The following VWA3B variants were observed in gnomAD, a reference collection of about 807,000 sequenced individuals.
VWA3B encodes the protein von Willebrand factor A domain containing 3B.
A neutral mutation model predicts 158.3 loss-of-function variants in VWA3B; 138 were observed. The ratio of observed to expected loss-of-function variants is 0.87; its 90% CI spans 0.76 to 1.00. The LOEUF (loss-of-function observed/expected upper bound fraction) is 1.00. Among genes scored for constraint, VWA3B ranks in the 50% least tolerant of loss-of-function variants. The pLI is 0.00. For synonymous variants in VWA3B, 596 were observed against 587.3 expected (o/e 1.01, Z -0.21); for missense variants, 1,555 against 1,565.1 (o/e 0.99, Z 0.11).
chr2:98,112,217 C>T (rs1406770457), intron 2 of VWA3B, among the ~76,000 whole-genome samples: 1 of 151,496 alleles, frequency 6.6e-6, no homozygotes, highest in Non-Finnish European at 1.5e-5. Flanking sequence ...GATCATATGA[C>T]TGTAGTTGTG....
At chr2:98,238,113 G>T (rs1425858033) in intron 19 of VWA3B, among the ~76,000 whole-genome samples, 1 of 152,190 alleles carries the variant, frequency 6.6e-6, no homozygotes, top group Admixed American at 6.5e-5. Context: ...AGAAGCAGAT[G>T]AATTGGTGAA....
intron 13 of VWA3B, chr2:98,216,803 A>G (rs1684043363): frequency 1.8e-6 from 1 of 555,528 alleles, no homozygotes. Context: ...AGGAGGGAGT[A>G]TCAGTTCTGA....
At chr2:98,280,444 G>A (rs1440681441) in intron 22 of VWA3B, among the ~76,000 whole-genome samples, 2 of 152,234 alleles carry the variant, frequency 1.3e-5, no homozygotes, top group Non-Finnish European at 2.9e-5. Context: ...TGCTTTCAGG[G>A]TGATTAACTG....
chr2:98,270,409 C>G (rs1201235361), intron 21 of VWA3B, among the ~76,000 whole-genome samples: 1 of 152,166 alleles, frequency 6.6e-6, no homozygotes, highest in African/African-American at 2.4e-5. Context: ...TATCATACTT[C>G]TTTAAAATCA....
chr2:98,141,326 T>C (rs1676764802), intron 7 of VWA3B, among the ~76,000 whole-genome samples: 1 of 152,216 alleles, frequency 6.6e-6, no homozygotes, highest in Non-Finnish European at 1.5e-5. Context: ...TTCTGCAGGC[T>C]GTGCAAGCAG....
intron 14 of VWA3B, among the ~76,000 whole-genome samples, chr2:98,222,313 CAGATACATAGTTATGCCCA>C (rs1684578814): frequency 6.6e-6 from 1 of 152,212 alleles, no homozygotes; most frequent in African/African-American, 2.4e-5. Context: ...GAGAGCTCAC[CAGATACATAGTTATGCCCA>C]AGTGAAAGTG....
At chr2:98,099,533 T>G (rs922982353) in intron 2 of VWA3B, among the ~76,000 whole-genome samples, 19 of 152,310 alleles carry the variant, frequency 1.2e-4, no homozygotes, top group Middle Eastern at 6.8e-3. Flanking sequence ...ATTTGACAGT[T>G]TGATTATAAA....
At chr2:98,158,851 G>T (rs1459014817) in intron 7 of VWA3B, among the ~76,000 whole-genome samples, 2 of 152,108 alleles carry the variant, frequency 1.3e-5, no homozygotes, top group African/African-American at 2.4e-5. Context: ...TGTTAGAGGA[G>T]TGTCATGGGA....
chr2:98,118,924 C>G (rs541350664), intron 3 of VWA3B, among the ~76,000 whole-genome samples: 3 of 152,268 alleles, frequency 2.0e-5, no homozygotes, highest in Admixed American at 2.0e-4. Context: ...TCCTGCAAGT[C>G]TCTGTCACCA....
intron 19 of VWA3B, 53 bp downstream of exon 19, chr2:98,236,783 A>G (rs1685722994): frequency 6.4e-7 from 1 of 1,559,602 alleles, no homozygotes; most frequent in Non-Finnish European, 8.7e-7. Flanking sequence ...TTTTCTGCTC[A>G]AATAAAAAGT....
At chr2:98,136,926 A>G (rs1402769520) in intron 7 of VWA3B, among the ~76,000 whole-genome samples, 1 of 152,196 alleles carries the variant, frequency 6.6e-6, no homozygotes, top group Non-Finnish European at 1.5e-5. Flanking sequence ...CCACTGGCTT[A>G]TTTCACTTAG....
chr2:98,278,481 C>T (rs113148431), intron 22 of VWA3B, among the ~76,000 whole-genome samples: 33 of 152,264 alleles, frequency 2.2e-4, no homozygotes, highest in Non-Finnish European at 3.4e-4. Context: ...TCAGGTCACA[C>T]GAACAAATTG....
At chr2:98,207,310 G>A in intron 12 of VWA3B, 1 of 489,000 alleles carries the variant, frequency 2.0e-6, no homozygotes, top group South Asian at 1.6e-5. Flanking sequence ...TGCTGTCACT[G>A]AGCTGGGCAT....
At chr2:98,237,002 C>T (rs1438641291) in intron 19 of VWA3B, among the ~76,000 whole-genome samples, 1 of 152,142 alleles carries the variant, frequency 6.6e-6, no homozygotes, top group East Asian at 1.9e-4. Flanking sequence ...ATCGTGAAAC[C>T]CTGTTTCTAC....
chr2:98,160,165 G>A (rs968896990), intron 7 of VWA3B, among the ~76,000 whole-genome samples: 4 of 152,052 alleles, frequency 2.6e-5, no homozygotes, highest in African/African-American at 9.7e-5. Context: ...TCTGTCCCTC[G>A]GCTGTGGCTA....
intron 12 of VWA3B, chr2:98,207,640 C>T (rs1683131900): frequency 2.1e-6 from 1 of 468,676 alleles, no homozygotes; most frequent in African/African-American, 2.0e-5. Context: ...GATAGGTGAA[C>T]ATGACCATCT....
chr2:98,146,757 T>G (rs1677203199), intron 7 of VWA3B, among the ~76,000 whole-genome samples: 1 of 152,224 alleles, frequency 6.6e-6, no homozygotes, highest in African/African-American at 2.4e-5. Flanking sequence ...AAGGTGTTTG[T>G]GTTTTCTTTT....
chr2:98,213,596 T>C (rs1365364754), intron 13 of VWA3B, among the ~76,000 whole-genome samples: 2 of 151,994 alleles, frequency 1.3e-5, no homozygotes, highest in Non-Finnish European at 2.9e-5. Context: ...TCAGGATGAC[T>C]GATTCCTGGT....
chr2:98,296,675 A>G (rs940476050), intron 23 of VWA3B, among the ~76,000 whole-genome samples: 4 of 152,176 alleles, frequency 2.6e-5, no homozygotes, highest in African/African-American at 9.6e-5. Flanking sequence ...GCCCAGCGGG[A>G]CGCGTGTGCT....
Sources: gnomAD v4.1 joint callset for allele counts (sites outside exome capture counted in the v4.1 genomes callset) on GRCh38, gnomAD v4.1.1 for gene constraint, MANE v1.5 for transcripts, NCBI Gene and HGNC (gene_info 2026-07-23, HGNC 2026-07-21) for gene names.